The following GKAP1 variants were observed in gnomAD, a reference collection of about 807,000 sequenced individuals.
The protein encoded by GKAP1 is G kinase-anchoring protein 1.
GKAP1 carries 31 observed loss-of-function variants against 56.7 expected under a neutral mutation model. The ratio of observed to expected loss-of-function variants is 0.55; its 90% CI spans 0.41 to 0.74. The LOEUF is 0.74. Among genes scored for constraint, GKAP1 ranks in the 30% least tolerant of loss-of-function variants. The probability of loss-of-function intolerance (pLI) is 0.00; values close to 1 mark genes in which losing one functional copy is unlikely to be tolerated. For synonymous variants in GKAP1, 151 were observed against 138.6 expected (o/e 1.09, Z -0.63); for missense variants, 364 against 402.3 (o/e 0.90, Z 0.82).
chr9:83,804,099 G>A (rs1419582403), intron 3 of GKAP1, among the ~76,000 whole-genome samples: 1 of 148,964 alleles, frequency 6.7e-6, no homozygotes, highest in Non-Finnish European at 1.5e-5. Flanking sequence ...CCGCCCGGCA[G>A]CCGCCCCGTC....
In GKAP1 at chr9:83,753,272, T is replaced by C. The variant is rs763658539; in HGVS notation, c.826A>G (p.Ile276Val). The part of the protein sequence containing the change: ...DAEIQKLKNV[I>V]TQWEAKYKEV... The stretch of plus-strand genomic sequence containing the variant: ...TGGACACAAACCTCCCATTGAGTGA[T>C]TACATTTTTCAGCTTCTGGATTTCA... The change falls in exon 9 of 13, where the codon ATC (isoleucine) becomes GTC (valine). Residue 276 changes from isoleucine to valine, a missense_variant. By Grantham distance (29) the Ile-to-Val change is conservative. Transcript: ENST00000376371. The C allele has an allele frequency of 3.1e-6, 5 of 1,596,914 alleles. No individual in the cohort carries two copies. In the South Asian group the frequency reaches 5.5e-5, roughly 18 times the overall value.
chr9:83,812,347 A>G (rs992637604), intron 2 of GKAP1, among the ~76,000 whole-genome samples: 21 of 147,808 alleles, frequency 1.4e-4, no homozygotes, highest in Admixed American at 6.1e-4. Context: ...ATATACACGT[A>G]TATATATATA....
chr9:83,790,621 A>AAAAAC (rs892365652), intron 4 of GKAP1, among the ~76,000 whole-genome samples: 3 of 147,452 alleles, frequency 2.0e-5, no homozygotes, highest in African/African-American at 7.4e-5. Flanking sequence ...TAAAAATACA[A>AAAAAC]AAAACAAAAC....
intron 9 of GKAP1, among the ~76,000 whole-genome samples, chr9:83,750,006 T>C (rs905673210): frequency 2.0e-5 from 3 of 152,176 alleles, no homozygotes; most frequent in Admixed American, 6.6e-5. Flanking sequence ...ACACTCGCTA[T>C]GAAATTCCCA....
rs532927007 is a variant in GKAP1 at position 83,797,184 on chromosome 9, T to C, written c.360+2001A>G. ...TTGATGTAAATTTGCATTATCTATA[T>C]GGTGATTTAGGAGTAGGAAACTTTG... On this transcript the variant is annotated intron_variant, in intron 4 of 12. Coordinates refer to ENST00000376371, the MANE Select transcript of GKAP1 (RefSeq NM_025211.4). Among the ~76,000 whole-genome samples, 16 of 152,334 alleles carry C rather than the reference T, an allele frequency of 1.1e-4. No individual in the cohort carries two copies. The South Asian group carries it at 3.1e-3, about 30-fold the overall frequency.
chr9:83,785,319 G>A (rs1042533783), intron 5 of GKAP1, among the ~76,000 whole-genome samples: 2 of 151,538 alleles, frequency 1.3e-5, no homozygotes, highest in African/African-American at 2.4e-5. Context: ...AAAGCGTAGC[G>A]GTTGTTCACA....
At chr9:83,749,386 C>A (rs566228040) in intron 9 of GKAP1, among the ~76,000 whole-genome samples, 19 of 152,232 alleles carry the variant, frequency 1.2e-4, no homozygotes, top group African/African-American at 4.3e-4. Flanking sequence ...GCCACCATGA[C>A]TGGCTAATTT....
chr9:83,788,953 T>A (rs1944110552), intron 4 of GKAP1: 2 of 234,650 alleles, frequency 8.5e-6, no homozygotes, highest in East Asian at 1.6e-4. Context: ...TAAAAAAATC[T>A]TACCAAATAA....
chr9:83,793,589 A>T (rs776735393), intron 4 of GKAP1, among the ~76,000 whole-genome samples: 1 of 152,168 alleles, frequency 6.6e-6, no homozygotes, highest in Non-Finnish European at 1.5e-5. Flanking sequence ...TGTATGCTTT[A>T]TCACACCTCC....
intron 6 of GKAP1, among the ~76,000 whole-genome samples, chr9:83,781,295 G>A (rs750012265): frequency 6.6e-6 from 1 of 152,172 alleles, no homozygotes; most frequent in Non-Finnish European, 1.5e-5. Context: ...CCCAGGAGGC[G>A]GAGGCTGCAG....
intron 8 of GKAP1, among the ~76,000 whole-genome samples, chr9:83,756,266 C>T (rs543544740): frequency 4.6e-5 from 7 of 151,138 alleles, no homozygotes; most frequent in South Asian, 2.1e-4. Context: ...CACCAGAGGT[C>T]GGGAGTTTGA....
intron 8 of GKAP1, 27 bp downstream of exon 8, chr9:83,768,791 T>G: frequency 6.3e-7 from 1 of 1,587,034 alleles, no homozygotes; most frequent in Non-Finnish European, 8.6e-7. Context: ...TCACTGTGAT[T>G]TTAAGAGAAT....
intron 10 of GKAP1, among the ~76,000 whole-genome samples, chr9:83,744,595 T>TAA (rs989490407): frequency 2.0e-5 from 3 of 152,250 alleles, no homozygotes; most frequent in Admixed American, 6.5e-5. Flanking sequence ...ACTGTTTTTA[T>TAA]TAGTTTCCCA....
intron 7 of GKAP1, among the ~76,000 whole-genome samples, chr9:83,770,552 G>C (rs529306485): frequency 6.6e-6 from 1 of 151,112 alleles, no homozygotes; most frequent in East Asian, 1.9e-4. Context: ...TTGCTCAATC[G>C]TTTACACTGC....
chr9:83,749,957 C>T (rs935611093), intron 9 of GKAP1, among the ~76,000 whole-genome samples: 9 of 152,102 alleles, frequency 5.9e-5, no homozygotes, highest in African/African-American at 1.7e-4. Flanking sequence ...CAACTATATT[C>T]GCTATGAATA....
chr9:83,777,311 T>A (rs1447665966), intron 7 of GKAP1, among the ~76,000 whole-genome samples: 2 of 152,136 alleles, frequency 1.3e-5, no homozygotes, highest in Non-Finnish European at 2.9e-5. Flanking sequence ...CAGATAAAAT[T>A]GGGACTAGAG....
intron 6 of GKAP1, among the ~76,000 whole-genome samples, chr9:83,781,753 A>T (rs1341808447): frequency 6.6e-6 from 1 of 152,192 alleles, no homozygotes; most frequent in East Asian, 1.9e-4. Context: ...TCTCAAATTT[A>T]CATACCATTT....
In GKAP1 at chr9:83,780,388, C is replaced by A. The variant is rs769173593; in HGVS notation, c.579G>T (p.Lys193Asn). ...DFHSEDHISKKTEELSSSQTL... is the reference protein window; with the variant it reads ...DFHSEDHISKNTEELSSSQTL... ...TGGCTACAATAAGACTTACCTCAGT[C>A]TTTTTACTAATGTGATCTGTAAATG... is the stretch of plus-strand genomic sequence containing the variant. The change falls in exon 7 of 13, where the codon AAG (lysine) becomes AAT (asparagine). Residue 193 changes from lysine to asparagine, a missense_variant. By Grantham distance (94) the Lys-to-Asn change is moderately conservative (BLOSUM62 0). Coordinates refer to ENST00000376371, the MANE Select transcript of GKAP1 (RefSeq NM_025211.4). The A allele has an allele frequency of 8.5e-7, 1 of 1,182,378 alleles. No homozygotes were observed. Among genetic ancestry groups the A allele is most frequent in the Non-Finnish European group, 1.1e-6 (1 of 882,748 alleles). The allele number at this position is 1,182,378 out of a possible 1,614,324, so 73.2% of individuals were successfully genotyped here.
chr9:83,755,550 TTGA>T (rs1943460146), intron 8 of GKAP1, among the ~76,000 whole-genome samples: 1 of 152,052 alleles, frequency 6.6e-6, no homozygotes, highest in African/African-American at 2.4e-5. Context: ...TTTAGAAATC[TTGA>T]TGAATATGAT....
Sources: gnomAD v4.1 joint callset for allele counts (sites outside exome capture counted in the v4.1 genomes callset) on GRCh38, gnomAD v4.1.1 for gene constraint, MANE v1.5 for transcripts, NCBI Gene and HGNC (gene_info 2026-07-23, HGNC 2026-07-21) for gene names.